ADD1: variants seen among roughly 807,000 people sequenced by gnomAD.
The protein encoded by ADD1 is adducin 1, also known as alpha-adducin.
Under a neutral mutation model 80.5 loss-of-function variants are expected in ADD1, and 24 were observed. The observed-to-expected ratio is 0.30, with a 90% CI of 0.22 to 0.42. The LOEUF is 0.42. Among genes scored for constraint, ADD1 ranks in the 10% least tolerant of loss-of-function variants. ADD1 has a pLI of 1.00. For synonymous variants in ADD1, 373 were observed against 393.8 expected, an observed-to-expected ratio of 0.95 and a Z score of 0.63; for missense variants, 948 against 1,019.0, an observed-to-expected ratio of 0.93 and a Z score of 0.95.
In ADD1 at chr4:2,899,124, A is replaced by G. The variant is rs1735749301; in HGVS notation, c.985-135A>G. On this transcript the variant is annotated intron_variant, in intron 8 of 15. Coordinates refer to ENST00000683351, the MANE Select transcript of ADD1 (RefSeq NM_001354761.2). Reference sequence around the variant, plus strand: ...AAAGTAACTTTGTGATCAGTCTGTCACTATCCATTCTACATTTTTTATTCT... The same window carrying G: ...AAAGTAACTTTGTGATCAGTCTGTCGCTATCCATTCTACATTTTTTATTCT... 3 of 884,002 alleles carry G rather than the reference A, an allele frequency of 3.4e-6. No individual in the cohort carries two copies. The South Asian group carries it at 5.4e-5, about 16-fold the overall frequency. 54.8% of individuals were successfully genotyped at this position (884,002 alleles called of 1,614,324 possible). A position where few individuals can be genotyped will look rare whatever the true frequency, so the allele number is the denominator to read the frequency against.
At chr4:2,860,100 G>C (rs949581958) in intron 1 of ADD1, among the ~76,000 whole-genome samples, 2 of 152,014 alleles carry the variant, frequency 1.3e-5, no homozygotes, top group Non-Finnish European at 1.5e-5. Context: ...TCTTCCTGCA[G>C]TCTTTATGGG....
At position 2,894,570 on chromosome 4, in the gene ADD1, T is replaced by C; in HGVS notation, c.592-12T>C. The C allele has an allele frequency of 6.3e-7, 1 of 1,578,326 alleles. No individual in the cohort carries two copies. The highest frequency in any genetic ancestry group is 8.6e-7 in the Non-Finnish European group (1 of 1,169,370). The stretch of plus-strand genomic sequence containing the variant: ...CTCTTGGTATTTTACATTTTTATTT[T>C]TTTATTTTCAGGTTAAGATCAATCT... On this transcript the variant is annotated splice_polypyrimidine_tract_variant and intron_variant, in intron 5 of 15. Coordinates refer to ENST00000683351, the MANE Select transcript of ADD1 (RefSeq NM_001354761.2).
In ADD1 at chr4:2,896,129, C is replaced by T. The variant is rs376408910; in HGVS notation, c.741+1398C>T. On this transcript the variant is annotated intron_variant, in intron 6 of 15. Transcript: ENST00000683351. ...GTCTTGATCGCCTGACCTCGTGATC[C>T]GCCCGCTTCGGCCTCCCAAAGTGCT... 1.3e-4 allele frequency among the ~76,000 whole-genome samples: 20 copies of T among 152,118 alleles called. No individual in the cohort carries two copies. In the South Asian group the frequency reaches 2.1e-3, roughly 16 times the overall value.
chr4:2,858,263 CTAA>C (rs1728357231), intron 1 of ADD1, among the ~76,000 whole-genome samples: 1 of 152,214 alleles, frequency 6.6e-6, no homozygotes, highest in Non-Finnish European at 1.5e-5. Flanking sequence ...GCTGCTACTG[CTAA>C]TAATAATAGT....
chr4:2,889,909 A>G (rs1734016774), intron 4 of ADD1, among the ~76,000 whole-genome samples: 1 of 152,180 alleles, frequency 6.6e-6, no homozygotes, highest in Non-Finnish European at 1.5e-5. Context: ...ATAGAAATTA[A>G]TATCTGGAGC....
intron 12 of ADD1, 65 bp from the exon 13 acceptor site, chr4:2,909,274 T>C (rs1737593452): frequency 4.4e-6 from 6 of 1,361,668 alleles, no homozygotes; most frequent in Non-Finnish European, 6.2e-6. Context: ...CTCCATCCTG[T>C]GCTCTCAGCT....
chr4:2,858,185 C>G (rs976984710), intron 1 of ADD1, among the ~76,000 whole-genome samples: 7 of 152,148 alleles, frequency 4.6e-5, no homozygotes, highest in African/African-American at 1.7e-4. Context: ...TAATTAGTGT[C>G]CATTACAGAA....
chr4:2,911,748 C>T (rs1024742928), intron 13 of ADD1, among the ~76,000 whole-genome samples: 3 of 152,132 alleles, frequency 2.0e-5, no homozygotes, highest in East Asian at 1.9e-4. Flanking sequence ...TGAGCCACCG[C>T]GCCTGGCATA....
chr4:2,882,416 T>G (rs1732512268), intron 3 of ADD1, among the ~76,000 whole-genome samples: 1 of 152,220 alleles, frequency 6.6e-6, no homozygotes, highest in Non-Finnish European at 1.5e-5. Flanking sequence ...TTCACTGCTG[T>G]GTCCCAACTA....
Position 2,898,210 on chromosome 4 carries a change from G to T in ADD1, c.768G>T (p.Leu256Phe), listed in dbSNP as rs1429617152. The change falls in exon 7 of 16, where the codon TTG becomes TTT. Residue 256 changes from leucine (L) to phenylalanine (F), a missense_variant. Physicochemically the swap from Leu to Phe is conservative, Grantham distance 22. Transcript: ENST00000683351. ...TCTCTGCAATGAAATGTGGCCTCTT[G>T]CCAATCTCCCCGGAGGCGCTTTCCC... The part of the protein sequence containing the change: ...AAVSAMKCGL[L>F]PISPEALSLG... The T allele has an allele frequency of 6.2e-7, 1 of 1,613,824 alleles. No individual in the cohort carries two copies.
At chr4:2,873,754 A>G (rs1419404969) in intron 1 of ADD1, among the ~76,000 whole-genome samples, 1 of 152,206 alleles carries the variant, frequency 6.6e-6, no homozygotes, top group African/African-American at 2.4e-5. Flanking sequence ...CATTTTTATT[A>G]TTGGCTCAGA....
At chr4:2,899,604 A>G (rs891995085) in intron 9 of ADD1, 169 bp downstream of exon 9, 2 of 751,364 alleles carry the variant, frequency 2.7e-6, no homozygotes, top group African/African-American at 1.7e-5. Flanking sequence ...AAATTACAAT[A>G]AAATGTAGAG....
chr4:2,886,284 C>G (rs1733352335), intron 4 of ADD1, among the ~76,000 whole-genome samples: 1 of 152,182 alleles, frequency 6.6e-6, no homozygotes, highest in African/African-American at 2.4e-5. Flanking sequence ...CCATTCTGGA[C>G]TCAGAGGAAT....
intron 10 of ADD1, 106 bp from the exon 11 acceptor site, chr4:2,907,635 CTG>C: frequency 1.1e-6 from 1 of 947,744 alleles, no homozygotes; most frequent in Non-Finnish European, 1.7e-6. Context: ...TCAGTCCTCT[CTG>C]TGATGTTCAG....
At chr4:2,908,402 A>G (rs1288164343) in intron 11 of ADD1, 113 bp from the exon 12 acceptor site, 1 of 880,564 alleles carries the variant, frequency 1.1e-6, no homozygotes, top group Non-Finnish European at 1.8e-6. Context: ...GGGCAGTGGG[A>G]GAGCTGAAAT....
intron 1 of ADD1, among the ~76,000 whole-genome samples, chr4:2,855,805 A>G (rs1202363275): frequency 3.3e-5 from 5 of 151,382 alleles, no homozygotes; most frequent in Admixed American, 1.3e-4. Flanking sequence ...AGCTTTAGTG[A>G]TCCTCCCACT....
At chr4:2,915,628 G>A (rs1357778060) in intron 14 of ADD1, among the ~76,000 whole-genome samples, 1 of 152,064 alleles carries the variant, frequency 6.6e-6, no homozygotes, top group Admixed American at 6.5e-5. Context: ...GCGACAGAGT[G>A]AGACTCTGTC....
At chr4:2,850,479 G>T (rs13150509) in intron 1 of ADD1, among the ~76,000 whole-genome samples, 4 of 151,996 alleles carry the variant, frequency 2.6e-5, no homozygotes, top group African/African-American at 4.8e-5. Context: ...AGGCTGGAGT[G>T]CAGTGGCACG....
Position 2,875,929 on chromosome 4 carries a change from C to A in ADD1, c.14C>A (p.Ser5Tyr). The A allele has an allele frequency of 6.3e-7, 1 of 1,595,544 alleles. No homozygotes were observed. ...AAAGATTGTACAATGAATGGTGATTCTCGTGCTGCGGTGGTGACCTCACCA... is the reference window on the plus strand; with the variant it reads ...AAAGATTGTACAATGAATGGTGATTATCGTGCTGCGGTGGTGACCTCACCA... MNGD[S>Y]RAAVVTSPPP... Residue 5 changes from serine to tyrosine, a missense_variant, in exon 2 of 16, where the codon TCT (serine) becomes TAT (tyrosine). Transcript: ENST00000683351.
Sources: gnomAD v4.1 joint callset for allele counts (sites outside exome capture counted in the v4.1 genomes callset) on GRCh38, gnomAD v4.1.1 for gene constraint, MANE v1.5 for transcripts, NCBI Gene and HGNC (gene_info 2026-07-23, HGNC 2026-07-21) for gene names.